The following MYO3B variants were observed in gnomAD, a reference collection of about 807,000 sequenced individuals.
MYO3B encodes myosin-IIIb.
MYO3B carries 156 observed loss-of-function variants against 174.6 expected under a neutral mutation model. The ratio of observed to expected loss-of-function variants is 0.89; its 90% CI spans 0.78 to 1.02. The LOEUF (loss-of-function observed/expected upper bound fraction) is 1.02. MYO3B is among the 50% of genes least tolerant of loss of function. MYO3B has a pLI of 0.00. For missense variants in MYO3B, 1,632 were observed against 1,639.4 expected, an observed-to-expected ratio of 1.00 and a Z score of 0.08; for synonymous variants, 563 against 569.1, an observed-to-expected ratio of 0.99 and a Z score of 0.15.
intron 17 of MYO3B, 46 bp from the exon 18 acceptor site, chr2:170,401,431 CTGAA>C (rs773998858): frequency 2.6e-6 from 4 of 1,534,490 alleles, no homozygotes; most frequent in Non-Finnish European, 3.6e-6. Context: ...AACAGACTGA[CTGAA>C]TGAAGGTCTG....
At chr2:170,262,815 G>T (rs114828728) in intron 7 of MYO3B, among the ~76,000 whole-genome samples, 137 of 152,152 alleles carry the variant, frequency 9.0e-4, no homozygotes, top group African/African-American at 3.3e-3. Context: ...TGTGTATTTG[G>T]TTATCTCTCT....
At chr2:170,200,961 C>A (rs1169383572) in intron 3 of MYO3B, among the ~76,000 whole-genome samples, 1 of 152,142 alleles carries the variant, frequency 6.6e-6, no homozygotes, top group Non-Finnish European at 1.5e-5. Context: ...GGAGTCAGTT[C>A]TCTGAAGTGG....
chr2:170,350,960 G>C (rs1331924710), intron 8 of MYO3B: 1 of 151,824 alleles, frequency 6.6e-6, no homozygotes. Flanking sequence ...ATATTGCTAG[G>C]CCACATATAT....
At chr2:170,561,938 C>A in intron 32 of MYO3B, among the ~76,000 whole-genome samples, 1 of 151,740 alleles carries the variant, frequency 6.6e-6, no homozygotes, top group East Asian at 1.9e-4. Context: ...ACAACAACAA[C>A]AAAAAGTTGA....
intron 32 of MYO3B, chr2:170,601,947 T>G: frequency 1.2e-6 from 1 of 830,812 alleles, no homozygotes; most frequent in Non-Finnish European, 2.0e-6. Flanking sequence ...GCCTCTTGGG[T>G]GCATTGGAAT....
chr2:170,571,906 CATG>C (rs1368448555), intron 32 of MYO3B, among the ~76,000 whole-genome samples: 5 of 152,260 alleles, frequency 3.3e-5, no homozygotes, highest in South Asian at 4.1e-4. Flanking sequence ...CAGCTGCTAA[CATG>C]ATGATGAAAT....
At position 170,350,071 on chromosome 2, in the gene MYO3B, G is replaced by A. The variant is rs957965370; in HGVS notation, c.815+14621G>A. ...GGCTGGATTGCAGTGGCGCGATCTCGGCTCATTGCAATCTCAACCTCCCAG... is the reference window on the plus strand; with the variant it reads ...GGCTGGATTGCAGTGGCGCGATCTCAGCTCATTGCAATCTCAACCTCCCAG... On this transcript the variant is annotated intron_variant, in intron 8 of 34. Transcript: ENST00000408978. 1.7e-4 allele frequency among the ~76,000 whole-genome samples: 26 copies of A among 151,788 alleles called. 1 individual carries two copies. Among genetic ancestry groups the A allele is most frequent in the African/African-American group, 5.3e-4 (22 of 41,392 alleles).
intron 32 of MYO3B, among the ~76,000 whole-genome samples, chr2:170,622,818 C>T (rs986042551): frequency 4.1e-5 from 6 of 144,870 alleles, no homozygotes; most frequent in African/African-American, 7.5e-5. Flanking sequence ...TGAGAACATG[C>T]GGTGTTTGGT....
intron 30 of MYO3B, among the ~76,000 whole-genome samples, chr2:170,540,421 T>C (rs1690013785): frequency 6.6e-6 from 1 of 152,152 alleles, no homozygotes; most frequent in Non-Finnish European, 1.5e-5. Context: ...ATTGGCTTTT[T>C]TTTCTTTCTT....
chr2:170,368,684 G>A (rs2094216293), intron 8 of MYO3B, among the ~76,000 whole-genome samples: 1 of 152,062 alleles, frequency 6.6e-6, no homozygotes, highest in African/African-American at 2.4e-5. Context: ...GGTTTTTCTG[G>A]TTCTTCAGAA....
intron 11 of MYO3B, 64 bp downstream of exon 11, chr2:170,383,253 A>G: frequency 1.0e-6 from 1 of 979,278 alleles, no homozygotes; most frequent in South Asian, 1.4e-5. Flanking sequence ...AGGGCAAATG[A>G]AGAGAAAGAA....
chr2:170,217,545 C>A, intron 6 of MYO3B, 150 bp downstream of exon 6: 1 of 707,256 alleles, frequency 1.4e-6, no homozygotes, highest in East Asian at 2.6e-5. Flanking sequence ...GTTTGGTCAG[C>A]GATGCTGGTG....
chr2:170,478,889 TACACACACACACACACACACAC>T (rs143792197), intron 25 of MYO3B, among the ~76,000 whole-genome samples: 1 of 137,300 alleles, frequency 7.3e-6, no homozygotes, highest in African/African-American at 2.8e-5. Flanking sequence ...AGGTTTTACA[TACACACACACACACACACACAC>T]ACACACACAC....
At chr2:170,474,743 CAAAAAAAAAAAAAAAAAAAAAAAAAA>C (rs55913448) in intron 25 of MYO3B, among the ~76,000 whole-genome samples, 1,439 of 37,606 alleles carry the variant, frequency 0.038, 145 homozygotes, top group East Asian at 0.33. Flanking sequence ...AACTCCGTCT[CAAAAAAAAAAAAAAAAAAAAAAAAAA>C]AAAAAAAAAA....
intron 8 of MYO3B, chr2:170,348,630 A>T (rs2094036966): frequency 6.6e-6 from 1 of 152,078 alleles, no homozygotes; most frequent in African/African-American, 2.4e-5. Flanking sequence ...CTACTCAGAC[A>T]CCTCCTCCAT....
intron 23 of MYO3B, among the ~76,000 whole-genome samples, chr2:170,461,581 G>T (rs1243983033): frequency 6.6e-6 from 1 of 151,478 alleles, no homozygotes; most frequent in Non-Finnish European, 1.5e-5. Context: ...TTCGAGACCA[G>T]CCTGGCCAAC....
intron 23 of MYO3B, among the ~76,000 whole-genome samples, chr2:170,450,487 G>A (rs895727274): frequency 1.5e-4 from 23 of 151,982 alleles, no homozygotes; most frequent in African/African-American, 5.3e-4. Flanking sequence ...CTGATAGAGA[G>A]GAGACTCAGC....
chr2:170,178,278 T>G lies in MYO3B; in HGVS notation c.-10T>G, dbSNP rs2092356122. 6.2e-7 allele frequency: 1 copy of G among 1,613,972 alleles called. No individual in the cohort carries two copies. Among genetic ancestry groups the G allele is most frequent in the Admixed American group, 1.7e-5 (1 of 59,988 alleles). ...TCTCTCATAAGCCGGATTCAGAAAA[T>G]AGGTCATCGATGTGAGTTGCAGTTA... On this transcript the variant is annotated 5_prime_UTR_variant, in exon 1 of 35. Transcript: ENST00000408978.
At chr2:170,366,101 G>A (rs1314493979) in intron 8 of MYO3B, among the ~76,000 whole-genome samples, 1 of 152,014 alleles carries the variant, frequency 6.6e-6, no homozygotes, top group Non-Finnish European at 1.5e-5. Flanking sequence ...TCCAGCACAT[G>A]GCTACTGCAT....
Sources: gnomAD v4.1 joint callset for allele counts (sites outside exome capture counted in the v4.1 genomes callset) on GRCh38, gnomAD v4.1.1 for gene constraint, MANE v1.5 for transcripts, NCBI Gene and HGNC (gene_info 2026-07-23, HGNC 2026-07-21) for gene names.